Variants in TTC6 observed in about 807,000 individuals in gnomAD.
TTC6 encodes the protein tetratricopeptide repeat domain 6.
A neutral mutation model predicts 210.4 loss-of-function variants in TTC6; 172 were observed. The ratio of observed to expected loss-of-function variants is 0.82; its 90% CI spans 0.72 to 0.93. The LOEUF is 0.93. TTC6 is among the 40% of genes least tolerant of loss of function. TTC6 has a pLI of 0.00. For missense variants in TTC6, 2,414 were observed against 2,318.1 expected, an observed-to-expected ratio of 1.04 and a Z score of -0.85; for synonymous variants, 804 against 819.6, an observed-to-expected ratio of 0.98 and a Z score of 0.32.
intron 7 of TTC6, among the ~76,000 whole-genome samples, chr14:37,732,049 A>T (rs543675935): frequency 1.3e-5 from 2 of 152,260 alleles, no homozygotes; most frequent in Middle Eastern, 3.4e-3. Flanking sequence ...CACAGTTGAA[A>T]ATTCATGTGT....
chr14:37,703,130 T>C (rs2095828662), intron 5 of TTC6, among the ~76,000 whole-genome samples: 1 of 151,918 alleles, frequency 6.6e-6, no homozygotes, highest in Admixed American at 6.6e-5. Context: ...AAACATAATC[T>C]AGTAGGCATG....
exon 28 of TTC6, chr14:37,826,287 G>A: frequency 6.2e-7 from 1 of 1,612,346 alleles, no homozygotes; most frequent in African/African-American, 1.3e-5. Flanking sequence ...GAAGAGCTGT[G>A]GTCTGTCTTC....
At chr14:37,758,960 G>A (rs1357428907) in intron 14 of TTC6, among the ~76,000 whole-genome samples, 2 of 152,086 alleles carry the variant, frequency 1.3e-5, no homozygotes, top group African/African-American at 4.8e-5. Flanking sequence ...AGTTTGGTTG[G>A]ATATGAAATT....
intron 1 of TTC6, among the ~76,000 whole-genome samples, chr14:37,652,868 T>C (rs1176631957): frequency 1.3e-5 from 2 of 152,222 alleles, no homozygotes; most frequent in African/African-American, 4.8e-5. Context: ...TTTTGATGTC[T>C]GCAATATTAT....
intron 1 of TTC6, among the ~76,000 whole-genome samples, chr14:37,656,546 T>C (rs1417007181): frequency 6.6e-6 from 1 of 151,766 alleles, no homozygotes; most frequent in African/African-American, 2.4e-5. Context: ...TGTGTGCGTG[T>C]GTGTGTGTAT....
At chr14:37,720,295 A>T (rs1179380279) in intron 6 of TTC6, 1 of 152,174 alleles carries the variant, frequency 6.6e-6, no homozygotes, top group Non-Finnish European at 1.5e-5. Flanking sequence ...AAAAACCCAA[A>T]GTATGCATGC....
chr14:37,701,354 C>T, exon 5 of TTC6: 1 of 1,453,956 alleles, frequency 6.9e-7, no homozygotes, highest in South Asian at 1.4e-5. Context: ...CTACTCCATG[C>T]CGCACCTTCA....
intron 21 of TTC6, 138 bp downstream of exon 23, chr14:37,804,952 A>G (rs553974586): frequency 2.2e-4 from 180 of 820,674 alleles, no homozygotes; most frequent in Non-Finnish European, 3.3e-4. Context: ...TGTTATAGTC[A>G]TTCTGCACCC....
chr14:37,751,141 G>T, exon 13 of TTC6: 2 of 1,532,824 alleles, frequency 1.3e-6, no homozygotes, highest in South Asian at 2.4e-5. Context: ...TTAAATCCAC[G>T]CCCACAGATG....
chr14:37,750,054 T>A (rs2095947195), intron 12 of TTC6, among the ~76,000 whole-genome samples: 1 of 152,188 alleles, frequency 6.6e-6, no homozygotes, highest in Admixed American at 6.5e-5. Flanking sequence ...TTATTGTCCT[T>A]GATATATATT....
intron 1 of TTC6, among the ~76,000 whole-genome samples, chr14:37,670,736 G>A (rs969523770): frequency 1.3e-5 from 2 of 151,858 alleles, no homozygotes; most frequent in Non-Finnish European, 2.9e-5. Flanking sequence ...CTCCCAAAGT[G>A]CTGGGATTAC....
At chr14:37,731,664 C>T (rs529578567) in intron 7 of TTC6, among the ~76,000 whole-genome samples, 57 of 152,272 alleles carry the variant, frequency 3.7e-4, no homozygotes, top group African/African-American at 1.1e-3. Flanking sequence ...CTTTCAGTAA[C>T]GAACTGAGCT....
chr14:37,603,997 A>T (rs1387965166), intron 1 of TTC6, among the ~76,000 whole-genome samples: 2 of 152,186 alleles, frequency 1.3e-5, no homozygotes, highest in Non-Finnish European at 2.9e-5. Context: ...CAACAAAAAG[A>T]TCCCCCACAA....
intron 1 of TTC6, among the ~76,000 whole-genome samples, chr14:37,596,709 T>C (rs893060496): frequency 6.6e-6 from 1 of 152,240 alleles, no homozygotes; most frequent in Non-Finnish European, 1.5e-5. Context: ...AACCACTAGG[T>C]TTCCTTAAGT....
intron 1 of TTC6, among the ~76,000 whole-genome samples, chr14:37,679,170 T>C (rs993664096): frequency 3.3e-5 from 5 of 152,060 alleles, no homozygotes; most frequent in African/African-American, 1.2e-4. Context: ...TACGGGGAGC[T>C]ATGATTGCAC....
chr14:37,657,824 G>A (rs1595069555), intron 1 of TTC6, among the ~76,000 whole-genome samples: 1 of 152,164 alleles, frequency 6.6e-6, no homozygotes, highest in Non-Finnish European at 1.5e-5. Flanking sequence ...CATAGCCCAT[G>A]TAACTCTATT....
intron 24 of TTC6, among the ~76,000 whole-genome samples, chr14:37,809,888 TTC>T (rs960444126): frequency 1.3e-5 from 2 of 152,192 alleles, no homozygotes; most frequent in Non-Finnish European, 2.9e-5. Flanking sequence ...CCCATCCTCT[TTC>T]TCTGTTACTT....
intron 4 of TTC6, 71 bp downstream of exon 6, chr14:37,696,906 C>A: frequency 3.2e-6 from 2 of 619,434 alleles, no homozygotes; most frequent in African/African-American, 1.9e-5. Flanking sequence ...CATGAAAATA[C>A]ATTTTTAAAA....
chr14:37,662,451 C>T (rs566186695), intron 1 of TTC6, among the ~76,000 whole-genome samples: 8 of 152,146 alleles, frequency 5.3e-5, no homozygotes, highest in East Asian at 1.9e-4. Flanking sequence ...TGATGAATTA[C>T]GTTTATTGAT....
Sources: allele counts gnomAD v4.1 joint callset (sites outside exome capture counted in the v4.1 genomes callset), GRCh38; gene constraint gnomAD v4.1.1; transcripts MANE v1.5; gene names NCBI Gene and HGNC (gene_info 2026-07-23, HGNC 2026-07-21).